EPHB1: variants seen among roughly 807,000 people sequenced by gnomAD.
EPHB1 encodes the protein ephrin type-B receptor 1.
A neutral mutation model predicts 94.4 loss-of-function variants in EPHB1; 30 were observed. That is an observed-to-expected ratio of 0.32 (90% CI 0.24 to 0.43). The LOEUF (loss-of-function observed/expected upper bound fraction) is 0.43. Among genes scored for constraint, EPHB1 ranks in the 20% least tolerant of loss-of-function variants. EPHB1 has a pLI of 1.00. For missense variants in EPHB1, 1,055 were observed against 1,308.3 expected, an observed-to-expected ratio of 0.81 and a Z score of 2.99; for synonymous variants, 522 against 489.1, an observed-to-expected ratio of 1.07 and a Z score of -0.89.
chr3:134,816,883 C>T (rs1051061985), intron 1 of EPHB1, among the ~76,000 whole-genome samples: 6 of 152,024 alleles, frequency 3.9e-5, no homozygotes, highest in African/African-American at 1.4e-4. Flanking sequence ...GCAGGGCTTC[C>T]TGGGGCACTC....
chr3:135,044,113 G>C (rs1009808382), intron 3 of EPHB1, among the ~76,000 whole-genome samples: 5 of 152,200 alleles, frequency 3.3e-5, no homozygotes, highest in African/African-American at 4.8e-5. Context: ...ACTAACTTAA[G>C]GGGAATAAAA....
intron 14 of EPHB1, among the ~76,000 whole-genome samples, chr3:135,248,746 T>G (rs1943989972): frequency 6.6e-6 from 1 of 151,878 alleles, no homozygotes; most frequent in Non-Finnish European, 1.5e-5. Context: ...GTAAACGAGT[T>G]TTGGGGATTT....
At chr3:135,196,482 G>T (rs529858898) in intron 11 of EPHB1, among the ~76,000 whole-genome samples, 1 of 152,136 alleles carries the variant, frequency 6.6e-6, no homozygotes, top group Admixed American at 6.5e-5. Context: ...GAAATGAAGC[G>T]TTTCTGACTC....
At chr3:135,020,161 G>GT (rs1935939336) in intron 3 of EPHB1, among the ~76,000 whole-genome samples, 1 of 152,074 alleles carries the variant, frequency 6.6e-6, no homozygotes, top group Non-Finnish European at 1.5e-5. Flanking sequence ...ATTATTTTAA[G>GT]TGTTCCTTAT....
At chr3:135,111,065 T>C (rs971697204) in intron 4 of EPHB1, among the ~76,000 whole-genome samples, 1 of 152,210 alleles carries the variant, frequency 6.6e-6, no homozygotes, top group African/African-American at 2.4e-5. Context: ...AGGTGGCCTC[T>C]GCAGCCAGGT....
intron 10 of EPHB1, among the ~76,000 whole-genome samples, chr3:135,189,038 A>T (rs1229357294): frequency 6.6e-6 from 1 of 152,246 alleles, no homozygotes; most frequent in Admixed American, 6.5e-5. Context: ...TATAATTTTT[A>T]AAAACTGTAT....
At chr3:134,879,165 C>T (rs1297519409) in intron 1 of EPHB1, among the ~76,000 whole-genome samples, 2 of 152,156 alleles carry the variant, frequency 1.3e-5, no homozygotes, top group Admixed American at 6.5e-5. Flanking sequence ...AAGGCTCATA[C>T]ATGGAGTGGC....
chr3:134,933,951 C>T (rs1011970084), intron 2 of EPHB1, among the ~76,000 whole-genome samples: 2 of 152,104 alleles, frequency 1.3e-5, no homozygotes, highest in Non-Finnish European at 2.9e-5. Context: ...ACCGAGAGGC[C>T]CAGCCTCCCT....
At position 135,063,144 on chromosome 3, in the gene EPHB1, G is replaced by C. The variant is rs142339291; in HGVS notation, c.806-43304G>C. 9.8e-3 allele frequency among the ~76,000 whole-genome samples: 1,492 copies of C among 152,104 alleles called. 20 individuals carry two copies. The highest frequency in any genetic ancestry group is 0.035 in the African/African-American group (1,435 of 41,520). ...TGATGCCTCCAGATTTGTTCTTTTT[G>C]CTTAGTCTTGCTTTGGGTATGTGGG... On this transcript the variant is annotated intron_variant, in intron 3 of 15. Transcript: ENST00000398015.
chr3:135,084,168 C>T lies in EPHB1; in HGVS notation c.806-22280C>T, dbSNP rs192323911. On this transcript the variant is annotated intron_variant, in intron 3 of 15. Coordinates refer to ENST00000398015, the MANE Select transcript of EPHB1 (RefSeq NM_004441.5). ...AATAGCTTTTTGCCATGTGAAAAAG[C>T]GACAGTTTATTGCAAAATATTTATC... 2.1e-3 allele frequency among the ~76,000 whole-genome samples: 316 copies of T among 152,150 alleles called. 5 individuals carry two copies. The highest frequency in any genetic ancestry group is 0.019 in the Admixed American group (286 of 15,276).
chr3:135,037,572 T>C (rs1384729240), intron 3 of EPHB1, among the ~76,000 whole-genome samples: 1 of 152,216 alleles, frequency 6.6e-6, no homozygotes, highest in African/African-American at 2.4e-5. Context: ...TTTAGGTGAC[T>C]TGCCTATGAC....
At chr3:134,988,944 G>C (rs963780574) in intron 3 of EPHB1, among the ~76,000 whole-genome samples, 12 of 152,186 alleles carry the variant, frequency 7.9e-5, no homozygotes, top group South Asian at 2.1e-4. Flanking sequence ...GCCTTCTCCT[G>C]TTCACGTCTG....
chr3:135,008,487 T>C (rs1280557236), intron 3 of EPHB1, among the ~76,000 whole-genome samples: 3 of 152,288 alleles, frequency 2.0e-5, no homozygotes, highest in Admixed American at 2.0e-4. Flanking sequence ...TCCATGATAT[T>C]ATCAAATGAA....
rs140058928 is a variant in EPHB1 at position 135,071,077 on chromosome 3, C to T, written c.806-35371C>T. Among the ~76,000 whole-genome samples the T allele has an allele frequency of 2.0e-4, 31 of 152,260 alleles. No homozygotes were observed. In the South Asian group the frequency reaches 3.1e-3, roughly 15 times the overall value. On this transcript the variant is annotated intron_variant, in intron 3 of 15. Transcript: ENST00000398015. The stretch of plus-strand genomic sequence containing the variant: ...GAGCAAACTATCCTCAAATACTGTC[C>T]CCCTCAAGGACTAAGGAGATCCATC...
In EPHB1 at chr3:135,162,279, A is replaced by G. The variant is rs1052474497; in HGVS notation, c.1585+99A>G. ...GCACTAGCCAAAAATGCTGATCTCC[A>G]ACTGGATTCCAGTGGAATTCCCTTC... is the stretch of plus-strand genomic sequence containing the variant. On this transcript the variant is annotated intron_variant, in intron 7 of 15. Coordinates refer to ENST00000398015, the MANE Select transcript of EPHB1 (RefSeq NM_004441.5). 3 of 1,325,602 alleles carry G rather than the reference A, an allele frequency of 2.3e-6. No homozygotes were observed. The African/African-American group carries it at 4.5e-5, about 20-fold the overall frequency. The allele number at this position is 1,325,602 out of a possible 1,614,324, so 82.1% of individuals were successfully genotyped here.
At chr3:134,826,847 G>T (rs542977931) in intron 1 of EPHB1, among the ~76,000 whole-genome samples, 2 of 152,290 alleles carry the variant, frequency 1.3e-5, no homozygotes, top group Admixed American at 1.3e-4. Context: ...TATTCAGCAT[G>T]CCCTGGTGAG....
At chr3:135,009,065 A>T (rs907661106) in intron 3 of EPHB1, among the ~76,000 whole-genome samples, 3 of 152,206 alleles carry the variant, frequency 2.0e-5, no homozygotes, top group African/African-American at 7.2e-5. Context: ...AAGGAACAGC[A>T]TAAACCCCCA....
intron 4 of EPHB1, among the ~76,000 whole-genome samples, chr3:135,120,495 C>A (rs1525015): frequency 0.14 from 20,616 of 152,114 alleles, 1,502 homozygotes; most frequent in Middle Eastern, 0.21. Flanking sequence ...CAGGGAGGGA[C>A]TGTAGAGGGT....
chr3:135,231,027 A>ACAT (rs370495577), intron 12 of EPHB1, among the ~76,000 whole-genome samples: 120 of 152,302 alleles, frequency 7.9e-4, no homozygotes, highest in African/African-American at 2.7e-3. Context: ...GAGGCGATGA[A>ACAT]CATAGGATCT....
Sources: allele counts gnomAD v4.1 joint callset (sites outside exome capture counted in the v4.1 genomes callset), GRCh38; gene constraint gnomAD v4.1.1; transcripts MANE v1.5; gene names NCBI Gene and HGNC (gene_info 2026-07-23, HGNC 2026-07-21).